The following AOPEP variants were observed in gnomAD, a reference collection of about 807,000 sequenced individuals.
AOPEP encodes the protein aminopeptidase O.
AOPEP carries 77 observed loss-of-function variants against 98.1 expected under a neutral mutation model. That is an observed-to-expected ratio of 0.78 (90% CI 0.65 to 0.95). AOPEP has a LOEUF of 0.95. Ranked by LOEUF, AOPEP falls within the 40% of genes least tolerant of loss-of-function variation. AOPEP has a pLI of 0.00. For missense variants in AOPEP, 1,024 were observed against 1,024.7 expected, an observed-to-expected ratio of 1.00 and a Z score of 0.01; for synonymous variants, 346 against 365.3, an observed-to-expected ratio of 0.95 and a Z score of 0.60.
chr9:95,107,793 C>G, the AOPEP span, among the ~76,000 whole-genome samples: 1 of 152,176 alleles, frequency 6.6e-6, no homozygotes, highest in East Asian at 1.9e-4. Flanking sequence ...CACATGCATG[C>G]ACACACAAGA....
chr9:94,756,791 A>T (rs1837155827), intron 1 of AOPEP, among the ~76,000 whole-genome samples: 1 of 152,132 alleles, frequency 6.6e-6, no homozygotes, highest in African/African-American at 2.4e-5. Context: ...TCCTGACCAC[A>T]GAGAACCATT....
chr9:95,031,769 C>T (rs574701104), intron 13 of AOPEP, among the ~76,000 whole-genome samples: 36 of 152,310 alleles, frequency 2.4e-4, no homozygotes, highest in Non-Finnish European at 3.7e-4. Context: ...TCATTTCATG[C>T]TCCCTTTTGG....
At chr9:95,104,849 C>A in the AOPEP span, among the ~76,000 whole-genome samples, 1 of 152,198 alleles carries the variant, frequency 6.6e-6, no homozygotes, top group African/African-American at 2.4e-5. Context: ...GGCTGACCAT[C>A]TCCCCACTGC....
In AOPEP at chr9:95,060,748, C is replaced by G. The variant is rs975469844; in HGVS notation, c.2170C>G (p.Leu724Val). ...LLEHLLEQKT[L>V]SPRTLQSLQR... is the part of the protein sequence containing the mutation. ...GGAGCATCTCTTGGAGCAGAAGACT[C>G]TGAGCCCCCGAACTCTGCAAAGCCT... The change falls in exon 14 of 17, where the codon CTG becomes GTG. Residue 724 changes from leucine (L) to valine (V), a missense_variant. By Grantham distance (32) the Leu-to-Val change is conservative. Transcript: ENST00000375315. 6 of 1,614,072 alleles carry G rather than the reference C, an allele frequency of 3.7e-6. No homozygotes were observed. Among genetic ancestry groups the G allele is most frequent in the African/African-American group, 2.7e-5 (2 of 74,930 alleles).
intron 11 of AOPEP, among the ~76,000 whole-genome samples, chr9:95,000,717 T>A (rs2061507656): frequency 6.6e-6 from 1 of 152,130 alleles, no homozygotes; most frequent in Non-Finnish European, 1.5e-5. Flanking sequence ...TCAAAATAAA[T>A]AAATAAATAA....
chr9:95,056,791 A>G (rs1256871107), intron 13 of AOPEP, among the ~76,000 whole-genome samples: 1 of 152,248 alleles, frequency 6.6e-6, no homozygotes, highest in Admixed American at 6.5e-5. Context: ...TGTTTAGAGT[A>G]GAACACAGAC....
intron 14 of AOPEP, among the ~76,000 whole-genome samples, chr9:95,076,891 A>G (rs1301435679): frequency 1.3e-5 from 2 of 152,198 alleles, no homozygotes; most frequent in African/African-American, 4.8e-5. Flanking sequence ...AAACAGTTAC[A>G]TTTTTCTCCC....
chr9:94,933,616 G>A (rs1022106827), intron 7 of AOPEP: 7 of 985,224 alleles, frequency 7.1e-6, no homozygotes, highest in Non-Finnish European at 8.4e-6. Flanking sequence ...TAATAATAGG[G>A]GGAAAACCCC....
intron 14 of AOPEP, among the ~76,000 whole-genome samples, chr9:95,075,887 A>C (rs1437919040): frequency 6.6e-6 from 1 of 152,184 alleles, no homozygotes; most frequent in Non-Finnish European, 1.5e-5. Context: ...ACAAACAAAC[A>C]AAAGAAAGCA....
At chr9:94,966,609 GTATT>G (rs979966263) in intron 9 of AOPEP, among the ~76,000 whole-genome samples, 1 of 152,112 alleles carries the variant, frequency 6.6e-6, no homozygotes, top group African/African-American at 2.4e-5. Flanking sequence ...TTCATGTTCT[GTATT>G]TATCCAAAGT....
chr9:94,917,343 C>T (rs1235456876), intron 5 of AOPEP, among the ~76,000 whole-genome samples: 1 of 152,184 alleles, frequency 6.6e-6, no homozygotes, highest in African/African-American at 2.4e-5. Context: ...TGCTGTTTTT[C>T]CTGCTAGCAA....
intron 16 of AOPEP, among the ~76,000 whole-genome samples, chr9:95,083,772 A>G (rs906465245): frequency 6.6e-6 from 1 of 152,190 alleles, no homozygotes; most frequent in African/African-American, 2.4e-5. Flanking sequence ...CACACGTGGC[A>G]TATGGCCTCC....
chr9:94,787,296 T>G (rs1844640007), intron 3 of AOPEP, among the ~76,000 whole-genome samples: 1 of 152,220 alleles, frequency 6.6e-6, no homozygotes, highest in East Asian at 1.9e-4. Context: ...CCATGTCACC[T>G]TGAGAGTGCA....
intron 5 of AOPEP, among the ~76,000 whole-genome samples, chr9:94,902,049 C>T (rs562766903): frequency 2.0e-5 from 3 of 152,230 alleles, no homozygotes; most frequent in Non-Finnish European, 4.4e-5. Flanking sequence ...AATAAGAGCC[C>T]AGGTGTCTAG....
At chr9:94,796,281 A>G (rs1285118181) in intron 4 of AOPEP, among the ~76,000 whole-genome samples, 1 of 152,168 alleles carries the variant, frequency 6.6e-6, no homozygotes. Flanking sequence ...TTCCTTTATC[A>G]ATATGCTTGT....
intron 13 of AOPEP, among the ~76,000 whole-genome samples, chr9:95,051,970 TG>T (rs1290397377): frequency 6.6e-6 from 1 of 152,212 alleles, no homozygotes; most frequent in Non-Finnish European, 1.5e-5. Context: ...CCCAAAGTGC[TG>T]GGATTACAGG....
intron 13 of AOPEP, among the ~76,000 whole-genome samples, chr9:95,041,228 A>G (rs77023330): frequency 6.6e-6 from 1 of 152,160 alleles, no homozygotes; most frequent in African/African-American, 2.4e-5. Context: ...TGAGTGAAAC[A>G]TTTGGGGCCA....
chr9:94,863,281 T>C (rs1479867400), intron 5 of AOPEP, among the ~76,000 whole-genome samples: 3 of 4,076 alleles, frequency 7.4e-4, no homozygotes, highest in African/African-American at 8.4e-4. Flanking sequence ...TCTTTTTCTC[T>C]TTTTTTTTTT....
chr9:94,942,980 A>G (rs116143786), intron 7 of AOPEP, among the ~76,000 whole-genome samples: 4,689 of 151,888 alleles, frequency 0.031, 202 homozygotes, highest in African/African-American at 0.09. Context: ...ACGGATCAAA[A>G]ACCCAAATAT....
Sources: gnomAD v4.1 joint callset for allele counts (sites outside exome capture counted in the v4.1 genomes callset) on GRCh38, gnomAD v4.1.1 for gene constraint, MANE v1.5 for transcripts, NCBI Gene and HGNC (gene_info 2026-07-23, HGNC 2026-07-21) for gene names.